SENP7: variants seen among roughly 807,000 people sequenced by gnomAD.
SENP7 encodes the protein sentrin-specific protease 7.
A neutral mutation model predicts 141.2 loss-of-function variants in SENP7; 64 were observed. That is an observed-to-expected ratio of 0.45 (90% confidence interval 0.37 to 0.56). SENP7 has a LOEUF of 0.56. Among genes scored for constraint, SENP7 ranks in the 20% least tolerant of loss-of-function variants. SENP7 has a pLI of 0.00. For synonymous variants in SENP7, 382 were observed against 426.4 expected, an observed-to-expected ratio of 0.90 and a Z score of 1.28; for missense variants, 1,025 against 1,212.2, an observed-to-expected ratio of 0.85 and a Z score of 2.29.
At chr3:101,392,799 C>T (rs933829628) in intron 6 of SENP7, among the ~76,000 whole-genome samples, 5 of 152,110 alleles carry the variant, frequency 3.3e-5, no homozygotes, top group African/African-American at 9.7e-5. Flanking sequence ...TATTACAAAG[C>T]TATAGTAACC....
At chr3:101,466,705 A>G (rs913605382) in intron 3 of SENP7, among the ~76,000 whole-genome samples, 5 of 152,170 alleles carry the variant, frequency 3.3e-5, no homozygotes, top group African/African-American at 1.2e-4. Flanking sequence ...AAAAGCCACA[A>G]AATCGGGCAT....
Position 101,332,117 on chromosome 3 carries a change from A to G in SENP7, c.2574-8T>C. Reference sequence around the variant, plus strand: ...GCGAGATACCAGTGAGACCTGTTGAAAAAGAACTACAATCTTAATACCATG... The same window carrying G: ...GCGAGATACCAGTGAGACCTGTTGAGAAAGAACTACAATCTTAATACCATG... On this transcript the variant is annotated splice_region_variant and splice_polypyrimidine_tract_variant and intron_variant, in intron 18 of 23. Transcript: ENST00000394095. The G allele has an allele frequency of 1.2e-6, 2 of 1,612,490 alleles. No homozygotes were observed. Among genetic ancestry groups the G allele is most frequent in the East Asian group, 2.2e-5 (1 of 44,720 alleles).
chr3:101,377,508 TGA>T (rs1172040828), intron 6 of SENP7, among the ~76,000 whole-genome samples: 1 of 152,200 alleles, frequency 6.6e-6, no homozygotes, highest in Non-Finnish European at 1.5e-5. Context: ...CACACTTTTG[TGA>T]GTTTTATCTC....
intron 1 of SENP7, among the ~76,000 whole-genome samples, chr3:101,507,422 C>T (rs953149583): frequency 6.6e-6 from 1 of 152,176 alleles, no homozygotes. Context: ...CTTATTATCA[C>T]ACCTCATATA....
intron 9 of SENP7, 23 bp from the exon 10 acceptor site, chr3:101,365,014 A>AT (rs767768450): frequency 1.5e-6 from 2 of 1,364,236 alleles, no homozygotes; most frequent in East Asian, 2.8e-5. Context: ...AGAAAAATGT[A>AT]TTTTTGTTTA....
In SENP7 at chr3:101,466,082, T is replaced by C. The variant is rs141287337; in HGVS notation, c.187-7030A>G. On this transcript the variant is annotated intron_variant, in intron 3 of 23. Transcript: ENST00000394095. ...TTTAAAAAAATAACCCATTCAGACATAACAGTAAAAAACAACTTTAAAAAA... is the reference window on the plus strand; with the variant it reads ...TTTAAAAAAATAACCCATTCAGACACAACAGTAAAAAACAACTTTAAAAAA... Among the ~76,000 whole-genome samples, 550 of 151,910 alleles carry C rather than the reference T, an allele frequency of 3.6e-3. 5 individuals are homozygous for C. Among genetic ancestry groups the C allele is most frequent in the African/African-American group, 0.013 (527 of 41,472 alleles).
At chr3:101,354,264 G>T (rs1349639272) in intron 11 of SENP7, among the ~76,000 whole-genome samples, 2 of 151,980 alleles carry the variant, frequency 1.3e-5, no homozygotes, top group East Asian at 3.9e-4. Context: ...AATAAAATTT[G>T]TTACCTTTTA....
intron 10 of SENP7, among the ~76,000 whole-genome samples, chr3:101,362,756 T>C (rs1246223697): frequency 1.3e-5 from 2 of 152,194 alleles, no homozygotes; most frequent in African/African-American, 4.8e-5. Flanking sequence ...TATTGTATAC[T>C]CTATGTTTGA....
At chr3:101,482,995 T>C (rs1013840104) in intron 3 of SENP7, among the ~76,000 whole-genome samples, 1 of 152,242 alleles carries the variant, frequency 6.6e-6, no homozygotes, top group Admixed American at 6.5e-5. Flanking sequence ...TTATCCACTG[T>C]TGGTGGGAAT....
intron 3 of SENP7, among the ~76,000 whole-genome samples, chr3:101,472,986 CTTA>C: frequency 6.6e-6 from 1 of 152,304 alleles, no homozygotes; most frequent in East Asian, 1.9e-4. Context: ...TTAGCTCCCA[CTTA>C]TAAGTGAGAA....
chr3:101,387,984 T>TGGCAGTTCCTGCAGGCAGTTCCTGCA (rs71132571), intron 6 of SENP7, among the ~76,000 whole-genome samples: 8 of 152,044 alleles, frequency 5.3e-5, no homozygotes, highest in Non-Finnish European at 1.0e-4. Flanking sequence ...CCCAGCCTGC[T>TGGCAGTTCCTGCAGGCAGTTCCTGCA]GGCAGTTCCT....
chr3:101,342,952 C>T (rs1017035326), intron 14 of SENP7, among the ~76,000 whole-genome samples: 1 of 152,160 alleles, frequency 6.6e-6, no homozygotes, highest in African/African-American at 2.4e-5. Flanking sequence ...AGGTGTAAGC[C>T]ACTGCGTCCG....
chr3:101,335,302 G>A (rs1460830636), intron 17 of SENP7, among the ~76,000 whole-genome samples: 1 of 152,142 alleles, frequency 6.6e-6, no homozygotes, highest in African/African-American at 2.4e-5. Context: ...GCATGATAAG[G>A]AATCTGTAGC....
intron 3 of SENP7, among the ~76,000 whole-genome samples, chr3:101,460,054 A>T (rs1035803269): frequency 1.3e-5 from 2 of 152,194 alleles, no homozygotes; most frequent in Non-Finnish European, 2.9e-5. Context: ...TAAATAAATG[A>T]AAAGACATCC....
chr3:101,411,912 C>G (rs1164322124), intron 5 of SENP7, among the ~76,000 whole-genome samples: 1 of 152,120 alleles, frequency 6.6e-6, no homozygotes, highest in East Asian at 1.9e-4. Context: ...TGAGAGGTAG[C>G]AGAAAGTATA....
At position 101,453,935 on chromosome 3, in the gene SENP7, A is replaced by T. The variant is rs1247680475; in HGVS notation, c.284+5020T>A. The stretch of plus-strand genomic sequence containing the variant: ...AAAAGATAATCAACATCATTTAGTT[A>T]TTAGGAAATGGCAAACAAAACCACA... On this transcript the variant is annotated intron_variant, in intron 4 of 23. Transcript: ENST00000394095. Among the ~76,000 whole-genome samples, 11 of 152,174 alleles carry T rather than the reference A, an allele frequency of 7.2e-5. No individual in the cohort carries two copies. In the East Asian group the frequency reaches 2.1e-3, roughly 29 times the overall value.
chr3:101,349,227 C>T (rs752476865), intron 12 of SENP7, among the ~76,000 whole-genome samples: 2 of 152,178 alleles, frequency 1.3e-5, no homozygotes, highest in African/African-American at 2.4e-5. Context: ...ATTCTGAAAA[C>T]TGTCAGTAAA....
At chr3:101,475,766 AT>A (rs1361544791) in intron 3 of SENP7, among the ~76,000 whole-genome samples, 3 of 152,196 alleles carry the variant, frequency 2.0e-5, no homozygotes, top group Non-Finnish European at 2.9e-5. Flanking sequence ...CAAAAAGGTC[AT>A]CATATATTGA....
intron 4 of SENP7, among the ~76,000 whole-genome samples, chr3:101,430,929 T>A (rs1185073807): frequency 6.6e-6 from 1 of 152,214 alleles, no homozygotes; most frequent in Non-Finnish European, 1.5e-5. Context: ...TGCCTTCATT[T>A]CGTTATTTAC....
Sources: gnomAD v4.1 joint callset for allele counts (sites outside exome capture counted in the v4.1 genomes callset) on GRCh38, gnomAD v4.1.1 for gene constraint, MANE v1.5 for transcripts, NCBI Gene and HGNC (gene_info 2026-07-23, HGNC 2026-07-21) for gene names.